HS6ST2: variants seen among roughly 807,000 people sequenced by gnomAD.
The protein encoded by HS6ST2 is heparan-sulfate 6-O-sulfotransferase 2.
A neutral mutation model predicts 33.0 loss-of-function variants in HS6ST2; 17 were observed. That is an observed-to-expected ratio of 0.52 (90% CI 0.35 to 0.77). The LOEUF is 0.77. HS6ST2 is among the 30% of genes least tolerant of loss of function. HS6ST2 has a pLI of 0.01. For synonymous variants in HS6ST2, 248 were observed against 237.1 expected (o/e 1.05, Z -0.42); for missense variants, 519 against 551.7 (o/e 0.94, Z 0.59).
At chrX:132,716,654 AT>A (rs1449684983) in intron 2 of HS6ST2, among the ~76,000 whole-genome samples, 1 of 112,347 alleles carries the variant, frequency 8.9e-6, no homozygotes, top group Non-Finnish European at 1.9e-5. Flanking sequence ...TACATACAGT[AT>A]TTTTGACTTA....
intron 2 of HS6ST2, among the ~76,000 whole-genome samples, chrX:132,840,558 T>A (rs927301604): frequency 2.3e-4 from 26 of 111,549 alleles, no homozygotes; most frequent in Middle Eastern, 4.6e-3. Flanking sequence ...GTTTTAAGGA[T>A]TAAATGGAAT....
intron 3 of HS6ST2, among the ~76,000 whole-genome samples, chrX:132,705,196 T>C (rs2064180167): frequency 9.2e-6 from 1 of 108,505 alleles, no homozygotes; most frequent in South Asian, 4.1e-4. Context: ...CGCGTGTGTG[T>C]GTGTGTGTGT....
intron 2 of HS6ST2, among the ~76,000 whole-genome samples, chrX:132,883,003 T>G (rs2066197257): frequency 2.7e-5 from 3 of 111,538 alleles, no homozygotes; most frequent in Non-Finnish European, 5.6e-5. Context: ...ATAAGCTTTT[T>G]GATGTGCTGC....
intron 2 of HS6ST2, among the ~76,000 whole-genome samples, chrX:132,767,616 G>A (rs1490107360): frequency 9.0e-6 from 1 of 110,893 alleles, no homozygotes; most frequent in African/African-American, 3.3e-5. Flanking sequence ...GGGTATGGTG[G>A]GTTTGATAAA....
chrX:132,866,095 G>C (rs1320865917), intron 2 of HS6ST2, among the ~76,000 whole-genome samples: 1 of 110,041 alleles, frequency 9.1e-6, no homozygotes, highest in African/African-American at 3.3e-5. Flanking sequence ...TTTTCTTCTA[G>C]GGTTTTTATG....
intron 4 of HS6ST2, among the ~76,000 whole-genome samples, chrX:132,664,521 T>G (rs1425751947): frequency 8.9e-6 from 1 of 112,008 alleles, no homozygotes; most frequent in Non-Finnish European, 1.9e-5. Context: ...CAAGTAGATT[T>G]GTGGAGTAAG....
chrX:132,946,793 C>T (rs904710076), intron 2 of HS6ST2, among the ~76,000 whole-genome samples: 57 of 111,617 alleles, frequency 5.1e-4, no homozygotes, highest in African/African-American at 1.9e-3. Flanking sequence ...AGAGGGTTGT[C>T]GTGAGAATTA....
chrX:132,806,715 C>T (rs771950263), intron 2 of HS6ST2, among the ~76,000 whole-genome samples: 8 of 109,408 alleles, frequency 7.3e-5, no homozygotes, highest in Admixed American at 4.9e-4. Flanking sequence ...TGCCACGAAA[C>T]GGCACTCTTC....
intron 3 of HS6ST2, among the ~76,000 whole-genome samples, chrX:132,678,202 C>G (rs2051321727): frequency 9.0e-6 from 1 of 111,565 alleles, no homozygotes; most frequent in Non-Finnish European, 1.9e-5. Context: ...AAAACAAAAA[C>G]AAAATTAGCT....
chrX:132,787,180 T>TAA (rs1226812278), intron 2 of HS6ST2, among the ~76,000 whole-genome samples: 1,469 of 81,545 alleles, frequency 0.018, 91 homozygotes, highest in African/African-American at 0.073. Context: ...TATATATATA[T>TAA]ATATATACAT....
intron 3 of HS6ST2, among the ~76,000 whole-genome samples, chrX:132,689,623 A>G (rs1322909569): frequency 8.9e-6 from 1 of 112,451 alleles, no homozygotes; most frequent in Non-Finnish European, 1.9e-5. Context: ...GAAGCATAAT[A>G]TTCCACTTTT....
rs574984333 is a variant in HS6ST2 at position 132,724,910 on chromosome X, T to C, written c.948-16416A>G. 5.4e-5 allele frequency among the ~76,000 whole-genome samples: 6 copies of C among 111,983 alleles called. No homozygotes were observed. The South Asian group carries it at 1.9e-3, about 35-fold the overall frequency. On this transcript the variant is annotated intron_variant, in intron 2 of 4. Coordinates refer to ENST00000370833, the MANE Select transcript of HS6ST2 (RefSeq NM_001394073.1). ...AGAACATACACTGGGGAAAAGACAG[T>C]CCTTTCAATAAGTGGTGCTGGAAAA... is the stretch of plus-strand genomic sequence containing the variant.
chrX:132,866,028 G>T (rs1351432067), intron 2 of HS6ST2, among the ~76,000 whole-genome samples: 1 of 111,323 alleles, frequency 9.0e-6, no homozygotes, highest in Admixed American at 9.5e-5. Context: ...AGTTGCTTTT[G>T]GTGTTTTAGA....
At chrX:132,811,535 C>T (rs1297340305) in intron 2 of HS6ST2, among the ~76,000 whole-genome samples, 2 of 106,322 alleles carry the variant, frequency 1.9e-5, no homozygotes, top group Non-Finnish European at 3.9e-5. Flanking sequence ...AATATGACTA[C>T]TCTAGGTACT....
rs145123397 is a variant in HS6ST2, at chrX:132,638,242, A to C, written c.1068-9149T>G. Reference sequence around the variant, plus strand: ...CAAACAATATTAATATGTGAGCACAAACTAAATAAAAGTATGGTAAATTGA... The same window carrying C: ...CAAACAATATTAATATGTGAGCACACACTAAATAAAAGTATGGTAAATTGA... On this transcript the variant is annotated intron_variant, in intron 4 of 4. Transcript: ENST00000370833. 8.4e-3 allele frequency among the ~76,000 whole-genome samples: 922 copies of C among 109,118 alleles called. 6 individuals are homozygous for C. The highest frequency in any genetic ancestry group is 0.029 in the African/African-American group (875 of 30,045). 94.8% of individuals were successfully genotyped at this position (109,118 alleles called of 115,157 possible).
intron 2 of HS6ST2, among the ~76,000 whole-genome samples, chrX:132,861,960 A>T (rs2065915860): frequency 8.9e-6 from 1 of 112,191 alleles, no homozygotes; most frequent in South Asian, 3.6e-4. Flanking sequence ...TTCTTAAATG[A>T]ATTTTCTGCT....
At chrX:132,665,237 G>A (rs943545217) in intron 4 of HS6ST2, among the ~76,000 whole-genome samples, 3 of 112,021 alleles carry the variant, frequency 2.7e-5, no homozygotes, top group Non-Finnish European at 5.6e-5. Context: ...AAGAGCACCT[G>A]GCTGGACATC....
At chrX:132,810,426 AAG>A (rs2065330233) in intron 2 of HS6ST2, among the ~76,000 whole-genome samples, 2 of 106,727 alleles carry the variant, frequency 1.9e-5, no homozygotes, top group Non-Finnish European at 1.9e-5. Context: ...GGAAGGAAGG[AAG>A]GAGAGAGAAA....
intron 2 of HS6ST2, among the ~76,000 whole-genome samples, chrX:132,730,114 T>G (rs772231290): frequency 3.6e-5 from 4 of 111,423 alleles, no homozygotes; most frequent in East Asian, 2.8e-4. Context: ...GCTGAGAATT[T>G]TGGATCTGCA....
Sources: allele counts gnomAD v4.1 joint callset (sites outside exome capture counted in the v4.1 genomes callset), GRCh38; gene constraint gnomAD v4.1.1; transcripts MANE v1.5; gene names NCBI Gene and HGNC (gene_info 2026-07-23, HGNC 2026-07-21).